The following ADK variants were observed in gnomAD, a reference collection of about 807,000 sequenced individuals.
ADK encodes N6,N6-dimethyladenosine kinase.
In ADK, 24 loss-of-function variants were observed where a neutral mutation model predicts 44.7. The observed-to-expected ratio is 0.54, with a 90% CI of 0.39 to 0.76. The LOEUF is 0.76. Ranked by LOEUF, ADK falls within the 30% of genes least tolerant of loss-of-function variation. The probability of loss-of-function intolerance (pLI) is 0.00; values close to 1 mark genes in which losing one functional copy is unlikely to be tolerated. For missense variants in ADK, 321 were observed against 425.1 expected (o/e 0.76, Z 2.15); for synonymous variants, 128 against 142.6 (o/e 0.90, Z 0.73).
intron 6 of ADK, among the ~76,000 whole-genome samples, chr10:74,460,457 G>A (rs1846133762): frequency 1.3e-5 from 2 of 152,098 alleles, no homozygotes; most frequent in African/African-American, 4.8e-5. Flanking sequence ...ATTATTGCTT[G>A]TAATACCTTG....
At chr10:74,397,894 G>T (rs1467193447) in intron 5 of ADK, among the ~76,000 whole-genome samples, 1 of 152,130 alleles carries the variant, frequency 6.6e-6, no homozygotes, top group Non-Finnish European at 1.5e-5. Flanking sequence ...TCTAAAATTG[G>T]ACCAGTCAGG....
At chr10:74,201,348 G>A (rs1333835937) in intron 2 of ADK, among the ~76,000 whole-genome samples, 1 of 152,120 alleles carries the variant, frequency 6.6e-6, no homozygotes, top group African/African-American at 2.4e-5. Context: ...AAATCAGTTT[G>A]TTTATTTACC....
At chr10:74,625,726 T>A (rs1183745370) in intron 9 of ADK, among the ~76,000 whole-genome samples, 1 of 152,072 alleles carries the variant, frequency 6.6e-6, no homozygotes, top group Non-Finnish European at 1.5e-5. Flanking sequence ...AGAGAAAAAT[T>A]ATGGTAAAAG....
intron 6 of ADK, 108 bp from the exon 7 acceptor site, chr10:74,525,148 T>G (rs898469315): frequency 1.7e-5 from 19 of 1,122,126 alleles, no homozygotes; most frequent in Non-Finnish European, 2.4e-5. Context: ...TTGCATCTTA[T>G]AATTGTATTT....
intron 6 of ADK, among the ~76,000 whole-genome samples, chr10:74,460,773 G>A (rs967314275): frequency 7.9e-5 from 12 of 152,144 alleles, no homozygotes; most frequent in Admixed American, 5.9e-4. Flanking sequence ...TTCCTTTTAG[G>A]ATGACAGCAT....
Position 74,244,142 on chromosome 10 carries a change from T to G in ADK, c.194+19551T>G, listed in dbSNP as rs1022710304. On this transcript the variant is annotated intron_variant, in intron 3 of 10. Coordinates refer to ENST00000539909, the MANE Select transcript of ADK (RefSeq NM_006721.4). ...ACCTTGGTTCAATATTCAAATATAT[T>G]TTTCTTGGTAACCAAGCTACTTCAC... 9.2e-5 allele frequency among the ~76,000 whole-genome samples: 14 copies of G among 152,328 alleles called. No homozygotes were observed. The East Asian group carries it at 2.7e-3, about 29-fold the overall frequency.
intron 6 of ADK, among the ~76,000 whole-genome samples, chr10:74,459,071 G>T (rs547159680): frequency 7.1e-4 from 108 of 152,124 alleles, no homozygotes; most frequent in Middle Eastern, 3.4e-3. Flanking sequence ...CTGATGTCAG[G>T]AGCTTGAGAC....
At chr10:74,253,395 G>A (rs1006456713) in intron 3 of ADK, among the ~76,000 whole-genome samples, 1 of 152,178 alleles carries the variant, frequency 6.6e-6, no homozygotes, top group Non-Finnish European at 1.5e-5. Flanking sequence ...ACTCCTGGGT[G>A]TTCTCATAGC....
At chr10:74,372,857 T>C (rs1259491240) in intron 4 of ADK, among the ~76,000 whole-genome samples, 1 of 152,182 alleles carries the variant, frequency 6.6e-6, no homozygotes, top group Non-Finnish European at 1.5e-5. Flanking sequence ...TTAAAATTAA[T>C]ATGGAAATTC....
chr10:74,388,699 A>T (rs1215044121), intron 4 of ADK, among the ~76,000 whole-genome samples: 2 of 152,058 alleles, frequency 1.3e-5, no homozygotes, highest in East Asian at 3.9e-4. Flanking sequence ...TTATATATTG[A>T]TCTTAAAGTC....
intron 3 of ADK, among the ~76,000 whole-genome samples, chr10:74,247,386 G>T (rs946215463): frequency 1.3e-5 from 2 of 151,580 alleles, no homozygotes; most frequent in Non-Finnish European, 2.9e-5. Context: ...CTACAGGCAC[G>T]TGCCACCATG....
At chr10:74,258,003 C>G (rs902286690) in intron 3 of ADK, among the ~76,000 whole-genome samples, 4 of 152,184 alleles carry the variant, frequency 2.6e-5, no homozygotes, top group African/African-American at 9.7e-5. Context: ...ACTGCAGACA[C>G]TACTTCTGTG....
chr10:74,628,007 C>T (rs1040217281), intron 9 of ADK, among the ~76,000 whole-genome samples: 3 of 152,150 alleles, frequency 2.0e-5, no homozygotes, highest in Non-Finnish European at 2.9e-5. Context: ...GGTATTTGAG[C>T]ATACGAGGTG....
At chr10:74,557,867 T>G (rs1420463075) in intron 7 of ADK, among the ~76,000 whole-genome samples, 1 of 152,184 alleles carries the variant, frequency 6.6e-6, no homozygotes, top group Non-Finnish European at 1.5e-5. Flanking sequence ...GGAGATTCTT[T>G]GATTTGCAGT....
At chr10:74,595,371 C>CTTTTTTTTTTTTTTT (rs1223426277) in intron 8 of ADK, among the ~76,000 whole-genome samples, 3 of 91,688 alleles carry the variant, frequency 3.3e-5, no homozygotes, top group East Asian at 3.1e-4. Context: ...TGAAAAATAC[C>CTTTTTTTTTTTTTTT]TTTTTTTTTT....
intron 6 of ADK, among the ~76,000 whole-genome samples, chr10:74,459,863 A>G (rs1202196011): frequency 6.6e-6 from 1 of 151,572 alleles, no homozygotes; most frequent in Admixed American, 6.6e-5. Context: ...GCCAACTTTT[A>G]TTGGTTCTTT....
intron 3 of ADK, among the ~76,000 whole-genome samples, chr10:74,250,164 G>A (rs1371880436): frequency 6.6e-6 from 1 of 152,162 alleles, no homozygotes; most frequent in Non-Finnish European, 1.5e-5. Flanking sequence ...TTATAGACAG[G>A]CAGTAACTAG....
Position 74,554,323 on chromosome 10 carries a change from G to A in ADK, c.726+28897G>A, listed in dbSNP as rs117028144. Among the ~76,000 whole-genome samples, 449 of 152,198 alleles carry A rather than the reference G, an allele frequency of 3.0e-3. 1 individual carries two copies. Among genetic ancestry groups the A allele is most frequent in the Non-Finnish European group, 5.5e-3 (374 of 68,000 alleles). ...GAAGATCCTGCCAATCCTCTGCAGA[G>A]CTAATGCTTATTCTGACTTTGGGGT... On this transcript the variant is annotated intron_variant, in intron 7 of 10. Coordinates refer to ENST00000539909, the MANE Select transcript of ADK (RefSeq NM_006721.4).
intron 10 of ADK, among the ~76,000 whole-genome samples, chr10:74,705,317 G>A (rs1187206184): frequency 6.6e-6 from 1 of 152,172 alleles, no homozygotes; most frequent in Non-Finnish European, 1.5e-5. Context: ...TTTCCCCTAA[G>A]GGGAAGGTAG....
Sources: allele counts gnomAD v4.1 joint callset (sites outside exome capture counted in the v4.1 genomes callset), GRCh38; gene constraint gnomAD v4.1.1; transcripts MANE v1.5; gene names NCBI Gene and HGNC (gene_info 2026-07-23, HGNC 2026-07-21).